Variants in TRIM38 observed in about 807,000 individuals in gnomAD.
The protein encoded by TRIM38 is E3 ubiquitin-protein ligase TRIM38.
A neutral mutation model predicts 35.8 loss-of-function variants in TRIM38; 35 were observed. The ratio of observed to expected loss-of-function variants is 0.98; its 90% CI spans 0.75 to 1.30. The LOEUF is 1.30. Among genes scored for constraint, TRIM38 ranks in the 50% most tolerant of loss-of-function variants. The pLI, the probability that TRIM38 is intolerant of heterozygous loss-of-function variation, is 0.00. For synonymous variants in TRIM38, 198 were observed against 204.7 expected (o/e 0.97, Z 0.28); for missense variants, 545 against 556.9 (o/e 0.98, Z 0.21).
rs1760811410 is a variant in TRIM38, at chr6:25,990,608, C to T, written c.*6921C>T. The stretch of plus-strand genomic sequence containing the variant: ...CTTGAGCCACCATGCCTCGCTTCTA[C>T]ACTTATTTTTAATTCTAAAATAATT... On this transcript the variant is annotated 3_prime_UTR_variant, in exon 8 of 8. Transcript: ENST00000357085. 6.6e-6 allele frequency: 1 copy of T among 151,924 alleles called. No homozygotes were observed. The allele number at this position is 151,924 out of a possible 1,614,324, so 9.4% of individuals were successfully genotyped here.
chr6:25,978,848 T>A (rs1760469984), intron 7 of TRIM38, among the ~76,000 whole-genome samples: 1 of 152,084 alleles, frequency 6.6e-6, no homozygotes, highest in African/African-American at 2.4e-5. Context: ...TCATATTTTT[T>A]GTAGAGATGG....
rs969412709 is a variant in TRIM38, at chr6:25,989,463, A to T, written c.*5776A>T. 6.6e-6 allele frequency: 1 copy of T among 151,528 alleles called. No homozygotes were observed. Among genetic ancestry groups the T allele is most frequent in the Non-Finnish European group, 1.5e-5 (1 of 67,942 alleles). 9.4% of individuals were successfully genotyped at this position (151,528 alleles called of 1,614,324 possible). On this transcript the variant is annotated 3_prime_UTR_variant, in exon 8 of 8. Coordinates refer to ENST00000357085, the MANE Select transcript of TRIM38 (RefSeq NM_006355.5). ...AAGCTAAATAAATTACAGTTTTTCA[A>T]ATTTTGAATTAATTGATCTTTGCTA...
rs1273469298 is a variant in TRIM38, at chr6:25,988,851, A to C, written c.*5164A>C. The C allele has an allele frequency of 6.6e-6, 1 of 152,260 alleles. No homozygotes were observed. The highest frequency in any genetic ancestry group is 1.5e-5 in the Non-Finnish European group (1 of 68,046). The allele number at this position is 152,260 out of a possible 1,614,324, so 9.4% of individuals were successfully genotyped here. ...CCAAGTTTTGGATAAATTATGAATA[A>C]AGCTGCTATAAACATCTATGTGCAG... On this transcript the variant is annotated 3_prime_UTR_variant, in exon 8 of 8. Coordinates refer to ENST00000357085, the MANE Select transcript of TRIM38 (RefSeq NM_006355.5).
intron 7 of TRIM38, chr6:25,975,726 A>G: frequency 1.0e-6 from 1 of 963,958 alleles, no homozygotes; most frequent in African/African-American, 1.8e-5. Flanking sequence ...TAACATATAT[A>G]CACTGTCTCT....
chr6:25,968,027 G>A (rs1302658805), intron 3 of TRIM38, among the ~76,000 whole-genome samples: 1 of 152,168 alleles, frequency 6.6e-6, no homozygotes, highest in Non-Finnish European at 1.5e-5. Flanking sequence ...GCATATTAAG[G>A]AAGGTGGGAC....
intron 4 of TRIM38, 78 bp downstream of exon 4, chr6:25,969,498 C>T (rs1037848138): frequency 8.2e-7 from 1 of 1,216,540 alleles, no homozygotes; most frequent in African/African-American, 1.5e-5. Context: ...AGGAAAAGCA[C>T]AATGAGGATT....
rs1035204174 is a variant in TRIM38, at chr6:25,987,443, T to G, written c.*3756T>G. 3 of 152,180 alleles carry G rather than the reference T, an allele frequency of 2.0e-5. No individual in the cohort carries two copies. The highest frequency in any genetic ancestry group is 6.5e-5 in the Admixed American group (1 of 15,278). 9.4% of individuals were successfully genotyped at this position (152,180 alleles called of 1,614,324 possible). ...AGAGAGCTAGCTTTCTGGTCTTTTCTTATAAGGGACCAGTCCCATCATGCC... is the reference window on the plus strand; with the variant it reads ...AGAGAGCTAGCTTTCTGGTCTTTTCGTATAAGGGACCAGTCCCATCATGCC... On this transcript the variant is annotated 3_prime_UTR_variant, in exon 8 of 8. Coordinates refer to ENST00000357085, the MANE Select transcript of TRIM38 (RefSeq NM_006355.5).
intron 2 of TRIM38, among the ~76,000 whole-genome samples, chr6:25,964,155 C>T (rs192575724): frequency 3.3e-5 from 5 of 152,198 alleles, no homozygotes; most frequent in Admixed American, 1.3e-4. Flanking sequence ...GGGCTAGAAT[C>T]ACAGAGTGAT....
chr6:25,970,597 C>T (rs1392183981), intron 4 of TRIM38, among the ~76,000 whole-genome samples: 1 of 152,026 alleles, frequency 6.6e-6, no homozygotes, highest in African/African-American at 2.4e-5. Flanking sequence ...ATGGGGAAGA[C>T]CTTGATTGTA....
In TRIM38 at chr6:25,983,166, A is replaced by G; in HGVS notation, c.877A>G (p.Ser293Gly). ...GTTTGTTTTGTTTTGTTTTGCAGTTAGTGTGACTCTGGATCCAGATACAGC... is the reference window on the plus strand; with the variant it reads ...GTTTGTTTTGTTTTGTTTTGCAGTTGGTGTGACTCTGGATCCAGATACAGC... ...VKKMLRSHQVSVTLDPDTAHH... is the reference protein window; with the variant it reads ...VKKMLRSHQVGVTLDPDTAHH... Residue 293 changes from serine to glycine, a missense_variant and splice_region_variant, in exon 8 of 8, where the codon AGT becomes GGT. Transcript: ENST00000357085. 1 of 1,566,156 alleles carries G rather than the reference A, an allele frequency of 6.4e-7. No homozygotes were observed. The highest frequency in any genetic ancestry group is 2.3e-5 in the East Asian group (1 of 44,314).
intron 7 of TRIM38, chr6:25,973,783 T>C (rs922059335): frequency 5.0e-5 from 49 of 985,456 alleles, no homozygotes; most frequent in African/African-American, 4.7e-4. Flanking sequence ...GAACTTGACT[T>C]AGATAACACA....
intron 7 of TRIM38, among the ~76,000 whole-genome samples, chr6:25,982,271 A>G (rs1439911527): frequency 6.6e-6 from 1 of 152,200 alleles, no homozygotes; most frequent in East Asian, 1.9e-4. Flanking sequence ...CAAGCAGCAG[A>G]GTATATTCTA....
chr6:25,983,051 T>G (rs531767093), intron 7 of TRIM38, 113 bp from the exon 8 acceptor site: 84 of 1,038,836 alleles, frequency 8.1e-5, no homozygotes, highest in Non-Finnish European at 1.0e-4. Flanking sequence ...ATAGTGCCAG[T>G]GCACTCCAGC....
At chr6:25,968,123 T>C (rs1760119749) in intron 3 of TRIM38, among the ~76,000 whole-genome samples, 1 of 152,140 alleles carries the variant, frequency 6.6e-6, no homozygotes, top group Admixed American at 6.6e-5. Context: ...GAAAATGTTG[T>C]CTCCAGTGTC....
intron 3 of TRIM38, among the ~76,000 whole-genome samples, chr6:25,967,930 G>A (rs1760113935): frequency 6.6e-6 from 1 of 152,198 alleles, no homozygotes; most frequent in Non-Finnish European, 1.5e-5. Flanking sequence ...GATTCAGGAA[G>A]AAGAGTCAAA....
chr6:25,977,147 A>T (rs1476522943), intron 7 of TRIM38, among the ~76,000 whole-genome samples: 1 of 152,178 alleles, frequency 6.6e-6, no homozygotes, highest in Non-Finnish European at 1.5e-5. Context: ...AATTAAGTAG[A>T]CACATTTTCC....
At chr6:25,969,260 T>G in intron 3 of TRIM38, 65 bp from the exon 4 acceptor site, 1 of 1,158,886 alleles carries the variant, frequency 8.6e-7, no homozygotes, top group East Asian at 2.3e-5. Context: ...AAGATTGGGA[T>G]TCCCCCTAGG....
chr6:25,968,017 G>A (rs1043834316), intron 3 of TRIM38, among the ~76,000 whole-genome samples: 1 of 152,202 alleles, frequency 6.6e-6, no homozygotes, highest in Non-Finnish European at 1.5e-5. Flanking sequence ...TTGCCAGAAA[G>A]CATATTAAGG....
Position 25,983,607 on chromosome 6 carries a change from G to C in TRIM38, c.1318G>C (p.Ala440Pro), listed in dbSNP as rs202177279. The C allele has an allele frequency of 5.0e-6, 8 of 1,613,876 alleles. No homozygotes were observed. The East Asian group carries it at 8.9e-5, about 18-fold the overall frequency. Residue 440 changes from alanine (A) to proline (P), a missense_variant, in exon 8 of 8, where the codon GCT becomes CCT. Physicochemically the swap from Ala to Pro is conservative, Grantham distance 27. Coordinates refer to ENST00000357085, the MANE Select transcript of TRIM38 (RefSeq NM_006355.5). ...CTGCCACATCTTTACTTTCCCGAAG[G>C]CTTCCTTCTCTGATACTCTCCGGCC... Reference protein sequence around the residue: ...TGCHIFTFPKASFSDTLRPYF... With the variant: ...TGCHIFTFPKPSFSDTLRPYF...
Sources: allele counts gnomAD v4.1 joint callset (sites outside exome capture counted in the v4.1 genomes callset), GRCh38; gene constraint gnomAD v4.1.1; transcripts MANE v1.5; gene names NCBI Gene and HGNC (gene_info 2026-07-23, HGNC 2026-07-21).